PTPRD: variants seen among roughly 807,000 people sequenced by gnomAD.
PTPRD encodes the protein protein tyrosine phosphatase receptor type D.
Under a neutral mutation model 214.5 loss-of-function variants are expected in PTPRD, and 34 were observed. The observed-to-expected ratio is 0.16, with a 90% CI of 0.12 to 0.21. The LOEUF (loss-of-function observed/expected upper bound fraction) is 0.21. Among genes scored for constraint, PTPRD ranks in the 10% least tolerant of loss-of-function variants. The pLI is 1.00. For missense variants in PTPRD, 2,545 were observed against 2,398.7 expected (o/e 1.06, Z -1.27); for synonymous variants, 1,128 against 845.7 (o/e 1.33, Z -5.79).
At chr9:8,882,892 A>T (rs1424599096) in intron 11 of PTPRD, among the ~76,000 whole-genome samples, 3 of 151,720 alleles carry the variant, frequency 2.0e-5, no homozygotes, top group Non-Finnish European at 2.9e-5. Flanking sequence ...CTCAAAAAAA[A>T]AAAAGGTATT....
chr9:8,343,524 C>G (rs1019910961), intron 39 of PTPRD, among the ~76,000 whole-genome samples: 2 of 151,972 alleles, frequency 1.3e-5, no homozygotes, highest in South Asian at 2.1e-4. Flanking sequence ...TCCATGAAGT[C>G]TCATTTTATT....
chr9:10,264,296 C>G (rs1415629755), intron 3 of PTPRD, among the ~76,000 whole-genome samples: 2 of 152,130 alleles, frequency 1.3e-5, no homozygotes, highest in Non-Finnish European at 2.9e-5. Flanking sequence ...CAGCTTGCAC[C>G]ATGTTCCTGG....
chr9:9,907,183 C>G lies in PTPRD; in HGVS notation c.-368+31324G>C, dbSNP rs563749556. ...ACTCCAGGTTTTTGTTTTGCGGTGG[C>G]AAACACAGTCTAATTAGGTCATGTG... On this transcript the variant is annotated intron_variant, in intron 5 of 45. Coordinates refer to ENST00000381196, the MANE Select transcript of PTPRD (RefSeq NM_002839.4). 8.6e-5 allele frequency among the ~76,000 whole-genome samples: 13 copies of G among 151,932 alleles called. No homozygotes were observed. In the South Asian group the frequency reaches 2.5e-3, roughly 29 times the overall value.
At chr9:10,079,611 G>A (rs1282474289) in intron 3 of PTPRD, among the ~76,000 whole-genome samples, 1 of 152,044 alleles carries the variant, frequency 6.6e-6, no homozygotes, top group Non-Finnish European at 1.5e-5. Context: ...CTATGATATT[G>A]AATTAAATAT....
At chr9:8,836,037 C>T (rs1172688707) in intron 11 of PTPRD, among the ~76,000 whole-genome samples, 2 of 152,158 alleles carry the variant, frequency 1.3e-5, no homozygotes, top group East Asian at 1.9e-4. Context: ...TTAATGCATA[C>T]ATATATACCG....
At chr9:8,919,856 T>C (rs1408667019) in intron 11 of PTPRD, among the ~76,000 whole-genome samples, 1 of 151,002 alleles carries the variant, frequency 6.6e-6, no homozygotes, top group Non-Finnish European at 1.5e-5. Context: ...GTATCATGCA[T>C]ACATAGATGT....
At chr9:10,384,837 T>C (rs968273731) in intron 2 of PTPRD, among the ~76,000 whole-genome samples, 1 of 151,682 alleles carries the variant, frequency 6.6e-6, no homozygotes, top group Non-Finnish European at 1.5e-5. Context: ...CGAAGGATAA[T>C]ATGATTTTTA....
chr9:10,567,839 T>C (rs189474693), intron 2 of PTPRD, among the ~76,000 whole-genome samples: 150 of 151,926 alleles, frequency 9.9e-4, no homozygotes, highest in Non-Finnish European at 1.0e-3. Flanking sequence ...AGTTAAACCA[T>C]TGCATTAATT....
chr9:8,964,576 T>G (rs2154323270), intron 11 of PTPRD, among the ~76,000 whole-genome samples: 1 of 152,176 alleles, frequency 6.6e-6, no homozygotes, highest in South Asian at 2.1e-4. Flanking sequence ...CAATTTTAGT[T>G]ATTTCTTTCA....
chr9:9,792,643 C>T (rs897444198), intron 5 of PTPRD, among the ~76,000 whole-genome samples: 3 of 152,108 alleles, frequency 2.0e-5, no homozygotes, highest in African/African-American at 4.8e-5. Context: ...GAAGTACACT[C>T]AGTGGCTTCA....
chr9:9,228,843 T>C (rs2099961205), intron 9 of PTPRD, among the ~76,000 whole-genome samples: 1 of 152,056 alleles, frequency 6.6e-6, no homozygotes, highest in Non-Finnish European at 1.5e-5. Flanking sequence ...TACTCCTACA[T>C]TACAAATTGA....
intron 9 of PTPRD, among the ~76,000 whole-genome samples, chr9:9,264,400 T>C (rs1239715045): frequency 2.0e-5 from 3 of 151,546 alleles, no homozygotes; most frequent in African/African-American, 7.3e-5. Context: ...AAAAATGCAA[T>C]AGAGAGTGTC....
chr9:9,641,838 T>C (rs1437644345), intron 7 of PTPRD, among the ~76,000 whole-genome samples: 1 of 152,014 alleles, frequency 6.6e-6, no homozygotes, highest in Admixed American at 6.6e-5. Context: ...ATGAGGGTAA[T>C]CACCCTAGCA....
chr9:8,518,209 A>G lies in PTPRD; in HGVS notation c.1182T>C (p.Val394=), dbSNP rs2138543967. 1 of 1,614,200 alleles carries G rather than the reference A, an allele frequency of 6.2e-7. No homozygotes were observed. Among genetic ancestry groups the G allele is most frequent in the Non-Finnish European group, 8.5e-7 (1 of 1,180,028 alleles). Residue 394 remains valine (V), a synonymous_variant, in exon 21 of 46, where the codon GTT becomes GTC. Transcript: ENST00000381196. ...GCCCCCGCCCAATGTTATTGACAGC[A>G]ACAACCCTGAATTCATAATCCGAGT... The part of the protein sequence containing the change: ...SPYSDYEFRV[V]AVNNIGRGPP...
chr9:9,722,808 A>G (rs934871696), intron 7 of PTPRD, among the ~76,000 whole-genome samples: 2 of 151,984 alleles, frequency 1.3e-5, no homozygotes, highest in African/African-American at 4.8e-5. Context: ...TTCTTTGTTA[A>G]CTAGTGATTT....
intron 4 of PTPRD, among the ~76,000 whole-genome samples, chr9:9,955,502 G>GT (rs916161010): frequency 4.8e-5 from 7 of 147,158 alleles, no homozygotes; most frequent in South Asian, 2.2e-4. Context: ...TTGGGTTTTC[G>GT]TTTTTTTTGT....
rs1852485770 is a variant in PTPRD at position 8,341,558 on chromosome 9, A to G, written c.4947+135T>C. The G allele has an allele frequency of 2.1e-5, 22 of 1,072,622 alleles. No individual in the cohort carries two copies. In the South Asian group the frequency reaches 3.0e-4, roughly 15 times the overall value. The allele number at this position is 1,072,622 out of a possible 1,614,324, so 66.4% of individuals were successfully genotyped here. A position where few individuals can be genotyped will look rare whatever the true frequency, so the allele number is the denominator to read the frequency against. ...GAGGAAAAGGGGAGGAATACATTTT[A>G]TAATCATACACCTGAGGGAAAGGTC... On this transcript the variant is annotated intron_variant, in intron 40 of 45. Coordinates refer to ENST00000381196, the MANE Select transcript of PTPRD (RefSeq NM_002839.4).
At chr9:9,630,039 G>C (rs2095542023) in intron 7 of PTPRD, among the ~76,000 whole-genome samples, 1 of 152,178 alleles carries the variant, frequency 6.6e-6, no homozygotes, top group Admixed American at 6.5e-5. Flanking sequence ...CCCTGGATCT[G>C]AGAGTTACTC....
intron 11 of PTPRD, among the ~76,000 whole-genome samples, chr9:8,976,189 T>C (rs1224882670): frequency 6.6e-6 from 1 of 152,218 alleles, no homozygotes; most frequent in East Asian, 1.9e-4. Flanking sequence ...CTGGGGAAAG[T>C]TCACCATATT....
Sources: gnomAD v4.1 joint callset for allele counts (sites outside exome capture counted in the v4.1 genomes callset) on GRCh38, gnomAD v4.1.1 for gene constraint, MANE v1.5 for transcripts, NCBI Gene and HGNC (gene_info 2026-07-23, HGNC 2026-07-21) for gene names.